The following CLEC17A variants were observed in gnomAD, a reference collection of about 807,000 sequenced individuals.
CLEC17A encodes C-type lectin domain family 17, member A.
A neutral mutation model predicts 61.3 loss-of-function variants in CLEC17A; 37 were observed. The observed-to-expected ratio is 0.60, with a 90% CI of 0.46 to 0.79. The LOEUF (loss-of-function observed/expected upper bound fraction) is 0.79, where lower values mean the gene tolerates loss of function less well. Among genes scored for constraint, CLEC17A ranks in the 30% least tolerant of loss-of-function variants. The pLI, the probability that CLEC17A is intolerant of heterozygous loss-of-function variation, is 0.00. For missense variants in CLEC17A, 418 were observed against 464.7 expected, an observed-to-expected ratio of 0.90 and a Z score of 0.92; for synonymous variants, 168 against 164.9, an observed-to-expected ratio of 1.02 and a Z score of -0.14.
chr19:14,587,434 C>T (rs1176191273), intron 2 of CLEC17A, among the ~76,000 whole-genome samples, 180 bp from the exon 3 acceptor site: 1 of 152,158 alleles, frequency 6.6e-6, no homozygotes, highest in Non-Finnish European at 1.5e-5. Context: ...AACCTGTATT[C>T]TATCTCTGGG....
chr19:14,599,621 C>G (rs1459411286), intron 10 of CLEC17A, 96 bp from the exon 11 acceptor site: 10 of 872,120 alleles, frequency 1.1e-5, no homozygotes, highest in Admixed American at 7.9e-5. Flanking sequence ...GTGGGGAACA[C>G]AACCCTTGCT....
At chr19:14,585,795 G>C (rs1444263816) in intron 2 of CLEC17A, among the ~76,000 whole-genome samples, 1 of 147,338 alleles carries the variant, frequency 6.8e-6, no homozygotes, top group Non-Finnish European at 1.5e-5. Flanking sequence ...GAACTACCCA[G>C]CTAAGCTGCT....
chr19:14,594,201 C>T (rs2074489910), intron 4 of CLEC17A, among the ~76,000 whole-genome samples: 1 of 151,702 alleles, frequency 6.6e-6, no homozygotes, highest in African/African-American at 2.4e-5. Flanking sequence ...TGCTTGAACC[C>T]AGGGGGCGGA....
chr19:14,603,587 G>A (rs576941798), intron 12 of CLEC17A, among the ~76,000 whole-genome samples: 13 of 152,028 alleles, frequency 8.6e-5, no homozygotes, highest in Non-Finnish European at 1.8e-4. Context: ...AGCCTCCCAA[G>A]TAACTGGGAC....
intron 3 of CLEC17A, among the ~76,000 whole-genome samples, chr19:14,589,234 ACC>A (rs1330888166): frequency 7.7e-6 from 1 of 130,618 alleles, no homozygotes; most frequent in East Asian, 2.1e-4. Context: ...ATCCCATCCC[ACC>A]CCATCCCAAC....
chr19:14,593,696 C>T (rs1039829046), intron 4 of CLEC17A, among the ~76,000 whole-genome samples: 9 of 151,968 alleles, frequency 5.9e-5, no homozygotes, highest in Non-Finnish European at 1.2e-4. Context: ...TGCGGTGGCT[C>T]ACGCCTGTAA....
At chr19:14,609,215 G>A (rs920222333) in intron 13 of CLEC17A, among the ~76,000 whole-genome samples, 1 of 152,130 alleles carries the variant, frequency 6.6e-6, no homozygotes, top group African/African-American at 2.4e-5. Context: ...GCTCACAACC[G>A]GTGACAGCCT....
At chr19:14,587,798 C>T in intron 3 of CLEC17A, 107 bp downstream of exon 3, 11 of 1,549,964 alleles carry the variant, frequency 7.1e-6, no homozygotes, top group South Asian at 1.2e-5. Flanking sequence ...CTCTACACAG[C>T]CCATGCCGGG....
intron 3 of CLEC17A, among the ~76,000 whole-genome samples, chr19:14,591,601 T>C (rs2074421130): frequency 6.7e-6 from 1 of 150,196 alleles, no homozygotes; most frequent in Non-Finnish European, 1.5e-5. Flanking sequence ...TCACTCAGGT[T>C]GGAGTGCAGT....
intron 10 of CLEC17A, among the ~76,000 whole-genome samples, chr19:14,598,036 A>G (rs8103864): frequency 0.013 from 1,968 of 152,314 alleles, 43 homozygotes; most frequent in African/African-American, 0.045. Context: ...CATGACTGCC[A>G]AAGTCTGAAT....
chr19:14,607,160 G>A (rs1433099012), intron 13 of CLEC17A, 58 bp downstream of exon 13: 10 of 766,454 alleles, frequency 1.3e-5, no homozygotes, highest in Non-Finnish European at 1.4e-5. Context: ...TGACCATGGG[G>A]AGGGGAGAAG....
In CLEC17A at chr19:14,600,086, C is replaced by T. The variant is rs1192688913; in HGVS notation, c.798C>T (p.Tyr266=). ...GGCTGCCCTTTGAGGGCAAGTGTTA[C>T]TACTTCTCCCCAAGCACCAAGTCAT... ...EGWLPFEGKC[Y]YFSPSTKSWD... is the part of the protein sequence containing the mutation. Residue 266 remains tyrosine, a synonymous_variant, in exon 12 of 14, where the codon TAC becomes TAT. Transcript: ENST00000417570. The T allele has an allele frequency of 3.7e-6, 6 of 1,614,042 alleles. No individual in the cohort carries two copies. The highest frequency in any genetic ancestry group is 5.1e-6 in the Non-Finnish European group (6 of 1,179,908).
chr19:14,590,574 A>G (rs6511942), intron 3 of CLEC17A, among the ~76,000 whole-genome samples: 27,653 of 152,000 alleles, frequency 0.18, 3,938 homozygotes, highest in African/African-American at 0.4. Flanking sequence ...TTTAGAAAAG[A>G]TGGGGTTCCT....
At chr19:14,593,132 A>C (rs1485454315) in intron 4 of CLEC17A, among the ~76,000 whole-genome samples, 2 of 152,030 alleles carry the variant, frequency 1.3e-5, no homozygotes, top group Admixed American at 6.6e-5. Flanking sequence ...AATCTCAATA[A>C]ACCCAAGGCA....
At chr19:14,585,467 C>G (rs2074261888) in intron 2 of CLEC17A, among the ~76,000 whole-genome samples, 1 of 152,172 alleles carries the variant, frequency 6.6e-6, no homozygotes, top group South Asian at 2.1e-4. Flanking sequence ...TATTCGTGCC[C>G]TTGTGTAGTC....
rs1165681486 is a variant in CLEC17A, at chr19:14,589,251, A to G, written c.199+1560A>G. Among the ~76,000 whole-genome samples the G allele has an allele frequency of 3.8e-5, 5 of 132,592 alleles. No homozygotes were observed. The South Asian group carries it at 9.0e-4, about 24-fold the overall frequency. The allele number at this position is 132,592 out of a possible 152,430, so 87.0% of individuals were successfully genotyped here. On this transcript the variant is annotated intron_variant, in intron 3 of 13. Transcript: ENST00000417570. ...CCCATCCCACCCCATCCCAACACCA[A>G]TTCTAATCCAAACCTCACCTCATCT...
At chr19:14,597,061 C>G (rs779246561) in intron 9 of CLEC17A, 38 bp from the exon 10 acceptor site, 1 of 1,611,756 alleles carries the variant, frequency 6.2e-7, no homozygotes, top group African/African-American at 1.3e-5. Context: ...GGAGGGTGCA[C>G]AGGAGGACCT....
At chr19:14,601,379 A>C (rs12976248) in intron 12 of CLEC17A, among the ~76,000 whole-genome samples, 16,907 of 152,266 alleles carry the variant, frequency 0.11, 1,070 homozygotes, top group African/African-American at 0.16. Context: ...CCGTGCAACC[A>C]GAAGGAGGAT....
chr19:14,602,293 A>AT (rs1255499347), intron 12 of CLEC17A, among the ~76,000 whole-genome samples: 4 of 148,726 alleles, frequency 2.7e-5, no homozygotes, highest in African/African-American at 9.9e-5. Context: ...TCATTTACTT[A>AT]TTTATGTATT....
Sources: allele counts gnomAD v4.1 joint callset (sites outside exome capture counted in the v4.1 genomes callset), GRCh38; gene constraint gnomAD v4.1.1; transcripts MANE v1.5; gene names NCBI Gene and HGNC (gene_info 2026-07-23, HGNC 2026-07-21).